The following PTPRM variants were observed in gnomAD, a reference collection of about 807,000 sequenced individuals.
PTPRM encodes the protein protein tyrosine phosphatase receptor type M.
In PTPRM, 47 loss-of-function variants were observed where a neutral mutation model predicts 186.7. The observed-to-expected ratio is 0.25, with a 90% CI of 0.20 to 0.32. PTPRM has a LOEUF of 0.32. Ranked by LOEUF, PTPRM falls within the 10% of genes least tolerant of loss-of-function variation. The pLI, the probability that PTPRM is intolerant of heterozygous loss-of-function variation, is 1.00. For missense variants in PTPRM, 1,494 were observed against 1,865.0 expected (o/e 0.80, Z 3.66); for synonymous variants, 668 against 674.9 (o/e 0.99, Z 0.16).
At chr18:8,172,697 G>T in intron 14 of PTPRM, among the ~76,000 whole-genome samples, 1 of 132,840 alleles carries the variant, frequency 7.5e-6, no homozygotes, top group Non-Finnish European at 1.6e-5. Context: ...GTAAACACAA[G>T]AAAAAAAAAA....
intron 2 of PTPRM, among the ~76,000 whole-genome samples, chr18:7,800,746 T>C (rs549574279): frequency 6.6e-6 from 1 of 152,200 alleles, no homozygotes; most frequent in Non-Finnish European, 1.5e-5. Flanking sequence ...GATGATAAAG[T>C]GTACTTACAC....
intron 31 of PTPRM, among the ~76,000 whole-genome samples, chr18:8,393,927 T>C (rs1314136803): frequency 6.6e-6 from 1 of 152,122 alleles, no homozygotes; most frequent in East Asian, 1.9e-4. Flanking sequence ...TAGCTGGGAC[T>C]ACAAGCACCC....
At chr18:8,127,998 G>C (rs2092413946) in intron 13 of PTPRM, among the ~76,000 whole-genome samples, 1 of 152,132 alleles carries the variant, frequency 6.6e-6, no homozygotes, top group Admixed American at 6.6e-5. Flanking sequence ...AGTGGGTAAT[G>C]AACTAAGTTA....
chr18:7,572,381 T>C (rs1450416437), intron 1 of PTPRM, among the ~76,000 whole-genome samples: 1 of 152,144 alleles, frequency 6.6e-6, no homozygotes, highest in Non-Finnish European at 1.5e-5. Flanking sequence ...TTGGTAAAAG[T>C]TGGTTTCAGA....
At chr18:8,232,970 G>A (rs1198889175) in intron 14 of PTPRM, among the ~76,000 whole-genome samples, 1 of 152,146 alleles carries the variant, frequency 6.6e-6, no homozygotes, top group African/African-American at 2.4e-5. Context: ...GCAGGCTTGT[G>A]AGACTGCATT....
chr18:7,772,373 T>TTCTTTCTTTCTTTCTTTCTTTC (rs2042340217), intron 1 of PTPRM, among the ~76,000 whole-genome samples: 5 of 123,362 alleles, frequency 4.1e-5, no homozygotes, highest in African/African-American at 1.5e-4. Context: ...CTTTCTTTCT[T>TTCTTTCTTTCTTTCTTTCTTTC]TCTTTCTTTC....
Position 8,349,425 on chromosome 18 carries a change from A to T in PTPRM, c.3054+5905A>T, listed in dbSNP as rs372332182. 9.8e-4 allele frequency among the ~76,000 whole-genome samples: 149 copies of T among 152,322 alleles called. 1 individual carries two copies. In the South Asian group the frequency reaches 0.028, roughly 29 times the overall value. On this transcript the variant is annotated intron_variant, in intron 23 of 32. Coordinates refer to ENST00000580170, the MANE Select transcript of PTPRM (RefSeq NM_001105244.2). ...CTGTTACTTTCATAGGTCCTTTTTC[A>T]TAAACTGATATTTAAGATTGATCTT...
intron 14 of PTPRM, among the ~76,000 whole-genome samples, chr18:8,181,501 G>T (rs546440678): frequency 2.2e-4 from 34 of 152,298 alleles, no homozygotes; most frequent in African/African-American, 8.2e-4. Flanking sequence ...TATCCATCCT[G>T]AGACTGAGGG....
intron 2 of PTPRM, among the ~76,000 whole-genome samples, chr18:7,781,977 C>A (rs564173997): frequency 6.6e-6 from 1 of 152,136 alleles, no homozygotes; most frequent in Non-Finnish European, 1.5e-5. Context: ...CTTACTCAGA[C>A]CACCTTGGTG....
intron 14 of PTPRM, among the ~76,000 whole-genome samples, chr18:8,215,927 A>C (rs967982228): frequency 1.3e-5 from 2 of 151,808 alleles, no homozygotes; most frequent in Non-Finnish European, 2.9e-5. Context: ...CCATCATTTA[A>C]CCTATTTCAC....
intron 1 of PTPRM, among the ~76,000 whole-genome samples, chr18:7,612,013 C>T (rs538784619): frequency 6.6e-5 from 10 of 152,280 alleles, no homozygotes; most frequent in East Asian, 1.9e-4. Context: ...TCTAACTATA[C>T]GTTTCTCAGA....
At chr18:7,943,610 G>C (rs1006851851) in intron 5 of PTPRM, among the ~76,000 whole-genome samples, 6 of 152,124 alleles carry the variant, frequency 3.9e-5, no homozygotes, top group African/African-American at 1.4e-4. Context: ...CTAAAAGAAG[G>C]TGACGGCAGG....
chr18:7,903,927 A>G (rs912050065), intron 3 of PTPRM, among the ~76,000 whole-genome samples: 1 of 152,210 alleles, frequency 6.6e-6, no homozygotes, highest in African/African-American at 2.4e-5. Context: ...TGAAAACATC[A>G]TATTTGGAAT....
intron 1 of PTPRM, among the ~76,000 whole-genome samples, chr18:7,569,879 A>G (rs2036525977): frequency 6.6e-6 from 1 of 152,200 alleles, no homozygotes; most frequent in Non-Finnish European, 1.5e-5. Flanking sequence ...TTTCTTTTCT[A>G]TCTAGAAAGC....
At chr18:7,698,032 T>C (rs1397754175) in intron 1 of PTPRM, among the ~76,000 whole-genome samples, 1 of 152,244 alleles carries the variant, frequency 6.6e-6, no homozygotes, top group Non-Finnish European at 1.5e-5. Context: ...GTGAGTTGTA[T>C]GGCAGAGGAA....
chr18:7,845,660 A>T (rs1049532100), intron 2 of PTPRM, among the ~76,000 whole-genome samples: 12 of 152,080 alleles, frequency 7.9e-5, no homozygotes, highest in Non-Finnish European at 7.3e-5. Context: ...TGTTATTCTA[A>T]GTTTGACAGT....
intron 31 of PTPRM, 30 bp downstream of exon 31, chr18:8,387,265 G>C: frequency 6.3e-7 from 1 of 1,597,730 alleles, no homozygotes; most frequent in Non-Finnish European, 8.6e-7. Flanking sequence ...CTTCATTTCA[G>C]AACAGCGAGG....
chr18:7,839,765 C>T (rs1320781183), intron 2 of PTPRM, among the ~76,000 whole-genome samples: 2 of 152,132 alleles, frequency 1.3e-5, no homozygotes, highest in South Asian at 2.1e-4. Context: ...TAGGCCTCAC[C>T]TACGAGTTCC....
intron 2 of PTPRM, among the ~76,000 whole-genome samples, chr18:7,792,604 A>G (rs370409102): frequency 3.9e-5 from 6 of 152,218 alleles, no homozygotes; most frequent in East Asian, 3.8e-4. Flanking sequence ...GTCAATCACA[A>G]ATTTTAAAAT....
Sources: allele counts gnomAD v4.1 joint callset (sites outside exome capture counted in the v4.1 genomes callset), GRCh38; gene constraint gnomAD v4.1.1; transcripts MANE v1.5; gene names NCBI Gene and HGNC (gene_info 2026-07-23, HGNC 2026-07-21).